PKNOX2: variants seen among roughly 807,000 people sequenced by gnomAD.
PKNOX2 encodes the protein homeobox protein PKNOX2.
In PKNOX2, 14 loss-of-function variants were observed where a neutral mutation model predicts 53.1. The ratio of observed to expected loss-of-function variants is 0.26; its 90% CI spans 0.17 to 0.41. PKNOX2 has a LOEUF of 0.41. Among genes scored for constraint, PKNOX2 ranks in the 10% least tolerant of loss-of-function variants. The pLI, the probability that PKNOX2 is intolerant of heterozygous loss-of-function variation, is 1.00. For synonymous variants in PKNOX2, 257 were observed against 242.8 expected, an observed-to-expected ratio of 1.06 and a Z score of -0.54; for missense variants, 496 against 602.8, an observed-to-expected ratio of 0.82 and a Z score of 1.85.
At chr11:125,286,784 C>T (rs1946930185) in intron 2 of PKNOX2, among the ~76,000 whole-genome samples, 1 of 152,230 alleles carries the variant, frequency 6.6e-6, no homozygotes, top group South Asian at 2.1e-4. Context: ...CAGCCGTGGA[C>T]CTTGGTCTCT....
intron 2 of PKNOX2, among the ~76,000 whole-genome samples, chr11:125,253,992 G>A (rs568806363): frequency 3.2e-4 from 49 of 152,228 alleles, no homozygotes; most frequent in Middle Eastern, 3.4e-3. Context: ...AGGAAGCCGC[G>A]TCTGGCTGGA....
intron 7 of PKNOX2, among the ~76,000 whole-genome samples, chr11:125,405,345 G>T (rs750606184): frequency 1.3e-5 from 2 of 152,158 alleles, no homozygotes; most frequent in Non-Finnish European, 2.9e-5. Context: ...TTTCTTCCAG[G>T]AATTCCTTCC....
chr11:125,410,275 T>A lies in PKNOX2; in HGVS notation c.668T>A (p.Leu223His), dbSNP rs757845541. Reference sequence around the variant, plus strand: ...GGGATTGTGGTCCCAGCCTCAGCGCTCCAGCAGGGCAACATCGCCATGACA... The same window carrying A: ...GGGATTGTGGTCCCAGCCTCAGCGCACCAGCAGGGCAACATCGCCATGACA... ...PQGIVVPASA[L>H]QQGNIAMTTV... Residue 223 changes from leucine to histidine, a missense_variant, in exon 8 of 13, where the codon CTC becomes CAC. Coordinates refer to ENST00000298282, the MANE Select transcript of PKNOX2 (RefSeq NM_001382323.2). 1.2e-6 allele frequency: 2 copies of A among 1,614,032 alleles called. No individual in the cohort carries two copies. The highest frequency in any genetic ancestry group is 4.5e-5 in the East Asian group (2 of 44,842).
At chr11:125,247,885 T>C (rs1479147268) in intron 2 of PKNOX2, among the ~76,000 whole-genome samples, 1 of 152,192 alleles carries the variant, frequency 6.6e-6, no homozygotes, top group Non-Finnish European at 1.5e-5. Context: ...GCTCTCCACA[T>C]GGCCGAATTC....
intron 1 of PKNOX2, among the ~76,000 whole-genome samples, chr11:125,224,165 G>A (rs974063002): frequency 6.6e-6 from 1 of 152,254 alleles, no homozygotes; most frequent in Middle Eastern, 3.2e-3. Context: ...CCAACAGAGG[G>A]TTCTTCCAGC....
At chr11:125,407,750 A>C (rs372676363) in intron 7 of PKNOX2, among the ~76,000 whole-genome samples, 12,639 of 150,152 alleles carry the variant, frequency 0.084, 719 homozygotes, top group Non-Finnish European at 0.12. Flanking sequence ...CAAAAAACAA[A>C]CAAAAAAAAA....
chr11:125,197,465 C>A (rs1448721102), intron 1 of PKNOX2, among the ~76,000 whole-genome samples: 9 of 152,070 alleles, frequency 5.9e-5, no homozygotes, highest in African/African-American at 2.2e-4. Flanking sequence ...TCCCACTTGC[C>A]TGGGGACCCA....
intron 1 of PKNOX2, among the ~76,000 whole-genome samples, chr11:125,192,588 T>C (rs2135354629): frequency 6.6e-6 from 1 of 152,318 alleles, no homozygotes; most frequent in South Asian, 2.1e-4. Context: ...ATAACAACAA[T>C]GAAATAGTAA....
intron 2 of PKNOX2, among the ~76,000 whole-genome samples, chr11:125,312,378 C>G (rs1028302514): frequency 6.6e-5 from 10 of 152,194 alleles, no homozygotes; most frequent in Admixed American, 5.9e-4. Flanking sequence ...GCCACAGATC[C>G]AAGCCCATTT....
Position 125,291,369 on chromosome 11 carries a change from A to G in PKNOX2, c.-129-40450A>G, listed in dbSNP as rs866888461. 5.9e-5 allele frequency among the ~76,000 whole-genome samples: 9 copies of G among 152,114 alleles called. No homozygotes were observed. The South Asian group carries it at 1.9e-3, about 32-fold the overall frequency. ...AGCTTGGACTCATCCCCTTCTTTCCAGTCCAGGCTGGGCAGGCAGGCTCGA... is the reference window on the plus strand; with the variant it reads ...AGCTTGGACTCATCCCCTTCTTTCCGGTCCAGGCTGGGCAGGCAGGCTCGA... On this transcript the variant is annotated intron_variant, in intron 2 of 12. Coordinates refer to ENST00000298282, the MANE Select transcript of PKNOX2 (RefSeq NM_001382323.2).
intron 2 of PKNOX2, among the ~76,000 whole-genome samples, chr11:125,326,670 G>C (rs1321128058): frequency 6.6e-6 from 1 of 152,158 alleles, no homozygotes; most frequent in Non-Finnish European, 1.5e-5. Flanking sequence ...GCCTTTCCCT[G>C]GGATGACAGT....
intron 10 of PKNOX2, among the ~76,000 whole-genome samples, chr11:125,420,179 C>G (rs981226520): frequency 2.1e-5 from 3 of 140,890 alleles, no homozygotes; most frequent in Admixed American, 1.4e-4. Flanking sequence ...AGAGTAAGAC[C>G]CTGTTCCCTC....
At position 125,352,732 on chromosome 11, in the gene PKNOX2, G is replaced by A. The variant is rs531768855; in HGVS notation, c.87+1340G>A. 3.3e-5 allele frequency among the ~76,000 whole-genome samples: 5 copies of A among 152,124 alleles called. No individual in the cohort carries two copies. Among genetic ancestry groups the A allele is most frequent in the African/African-American group, 1.2e-4 (5 of 41,508 alleles). On this transcript the variant is annotated intron_variant, in intron 4 of 12. Transcript: ENST00000298282. This position sits in a 1 kb window ranked among gnomAD's most constrained non-coding sequence, Gnocchi z 4.1. ...CACCAATCTCTGAGCACATGTCTAC[G>A]GCCCCGCTCCCACATATCAAATCAT...
At chr11:125,338,983 C>A (rs1186173178) in intron 3 of PKNOX2, among the ~76,000 whole-genome samples, 2 of 152,196 alleles carry the variant, frequency 1.3e-5, no homozygotes, top group Non-Finnish European at 2.9e-5. Flanking sequence ...AATTTTCAGA[C>A]CCATTCCTAG....
chr11:125,389,204 C>T (rs1232462192), intron 6 of PKNOX2, among the ~76,000 whole-genome samples: 1 of 151,940 alleles, frequency 6.6e-6, no homozygotes, highest in East Asian at 1.9e-4. Flanking sequence ...CAAAAACAAA[C>T]AAACAAACAA....
At chr11:125,176,010 G>A (rs1360503566) in intron 1 of PKNOX2, among the ~76,000 whole-genome samples, 4 of 152,298 alleles carry the variant, frequency 2.6e-5, no homozygotes, top group South Asian at 2.1e-4. Flanking sequence ...CACTCACAGC[G>A]TGATGACAGC....
chr11:125,419,378 T>C (rs906764081), intron 10 of PKNOX2, among the ~76,000 whole-genome samples: 2 of 151,246 alleles, frequency 1.3e-5, no homozygotes, highest in African/African-American at 4.9e-5. Context: ...TGGCCTTGCC[T>C]TGGAAAATGC....
intron 2 of PKNOX2, among the ~76,000 whole-genome samples, chr11:125,242,497 G>A (rs1339119050): frequency 6.6e-6 from 1 of 152,276 alleles, no homozygotes; most frequent in Admixed American, 6.5e-5. Flanking sequence ...TGTGCTGGGG[G>A]CCTGAGTGGT....
chr11:125,304,454 AG>A lies in PKNOX2; in HGVS notation c.-129-27361del, dbSNP rs578176961. The stretch of plus-strand genomic sequence containing the variant: ...GCCAGCGTGTGGCAGCCTGAGAAGG[AG>A]GGGAGCAGCCTGAGAGGCACGGGAA... On this transcript the variant is annotated intron_variant, in intron 2 of 12. Coordinates refer to ENST00000298282, the MANE Select transcript of PKNOX2 (RefSeq NM_001382323.2). Among the ~76,000 whole-genome samples the A allele has an allele frequency of 5.9e-5, 9 of 152,296 alleles. No individual in the cohort carries two copies. In the East Asian group the frequency reaches 1.7e-3, roughly 29 times the overall value.
Sources: gnomAD v4.1 joint callset for allele counts (sites outside exome capture counted in the v4.1 genomes callset) on GRCh38, gnomAD v4.1.1 for gene constraint, Gnocchi (gnomAD v3.1) non-coding constraint, MANE v1.5 for transcripts, NCBI Gene and HGNC (gene_info 2026-07-23, HGNC 2026-07-21) for gene names.